The following TMCC3 variants were observed in gnomAD, a reference collection of about 807,000 sequenced individuals.
TMCC3 encodes transmembrane and coiled-coil domain family 3, also known as transmembrane and coiled-coil domain protein 3.
TMCC3 carries 28 observed loss-of-function variants against 40.2 expected under a neutral mutation model. The ratio of observed to expected loss-of-function variants is 0.70; its 90% confidence interval spans 0.52 to 0.95. TMCC3 has a LOEUF of 0.95. Among genes scored for constraint, TMCC3 ranks in the 40% least tolerant of loss-of-function variants. The pLI is 0.00. For missense variants in TMCC3, 554 were observed against 615.2 expected (o/e 0.90, Z 1.05); for synonymous variants, 255 against 248.5 (o/e 1.03, Z -0.25).
chr12:94,603,336 T>G (rs970675120), intron 1 of TMCC3, among the ~76,000 whole-genome samples: 1 of 152,168 alleles, frequency 6.6e-6, no homozygotes. Context: ...AGGGTGGTCT[T>G]GAACTCCTGG....
intron 1 of TMCC3, among the ~76,000 whole-genome samples, chr12:94,637,877 C>A (rs1206200873): frequency 6.6e-6 from 1 of 152,216 alleles, no homozygotes; most frequent in Non-Finnish European, 1.5e-5. Flanking sequence ...AACATACACA[C>A]ATTCACTCAT....
chr12:94,644,583 G>A (rs550741140), intron 1 of TMCC3, among the ~76,000 whole-genome samples: 6 of 152,244 alleles, frequency 3.9e-5, no homozygotes, highest in Admixed American at 2.0e-4. Context: ...AACACACACC[G>A]CATCACTTTG....
chr12:94,589,417 G>T (rs2068658505), intron 1 of TMCC3, among the ~76,000 whole-genome samples: 1 of 151,672 alleles, frequency 6.6e-6, no homozygotes, highest in African/African-American at 2.4e-5. Context: ...TCTACCGTCT[G>T]GACGTTCTCT....
intron 3 of TMCC3, among the ~76,000 whole-genome samples, chr12:94,572,955 C>A (rs902628147): frequency 1.1e-4 from 16 of 152,282 alleles, no homozygotes; most frequent in African/African-American, 3.6e-4. Flanking sequence ...ATTACTAAGA[C>A]ACAGATGGCT....
chr12:94,617,410 C>T (rs2068853830), intron 1 of TMCC3, among the ~76,000 whole-genome samples: 1 of 152,178 alleles, frequency 6.6e-6, no homozygotes, highest in Non-Finnish European at 1.5e-5. Context: ...ACTCTGGTCT[C>T]ACCTAAGGAA....
At chr12:94,596,481 T>C (rs1438181461) in intron 1 of TMCC3, among the ~76,000 whole-genome samples, 1 of 152,186 alleles carries the variant, frequency 6.6e-6, no homozygotes, top group South Asian at 2.1e-4. Flanking sequence ...AGTCAAACGA[T>C]GTCTCTTCCA....
chr12:94,602,412 G>A (rs1476561472), intron 1 of TMCC3, among the ~76,000 whole-genome samples: 2 of 152,182 alleles, frequency 1.3e-5, no homozygotes, highest in Non-Finnish European at 2.9e-5. Context: ...GTGCGCTAAA[G>A]CTGAAAGTAC....
At chr12:94,621,874 T>C (rs1198734629) in intron 1 of TMCC3, among the ~76,000 whole-genome samples, 2 of 152,168 alleles carry the variant, frequency 1.3e-5, no homozygotes, top group Non-Finnish European at 2.9e-5. Flanking sequence ...CCCAGGGGCA[T>C]GTCAGAACGC....
chr12:94,589,925 G>A (rs1366463732), intron 1 of TMCC3, among the ~76,000 whole-genome samples: 3 of 152,082 alleles, frequency 2.0e-5, no homozygotes, highest in Non-Finnish European at 4.4e-5. Flanking sequence ...CAGATCCCGC[G>A]AGAACCTCTG....
rs566666357 is a variant in TMCC3, at chr12:94,646,637, A to T, written c.78+3716T>A. 2.3e-3 allele frequency among the ~76,000 whole-genome samples: 348 copies of T among 151,628 alleles called. 2 individuals carry two copies. The highest frequency in any genetic ancestry group is 8.2e-3 in the African/African-American group (340 of 41,344). On this transcript the variant is annotated intron_variant, in intron 1 of 3. Transcript: ENST00000261226. ...TATTTTTAGTAGAGACAGGGTTTCAACATGTTGGCCAGGTTGGTCTTGAAC... is the reference window on the plus strand; with the variant it reads ...TATTTTTAGTAGAGACAGGGTTTCATCATGTTGGCCAGGTTGGTCTTGAAC...
intron 1 of TMCC3, among the ~76,000 whole-genome samples, chr12:94,608,730 T>C (rs1364568477): frequency 6.6e-6 from 1 of 152,144 alleles, no homozygotes; most frequent in Non-Finnish European, 1.5e-5. Flanking sequence ...GTGAACTCTG[T>C]CCAGCTCAAG....
chr12:94,641,267 A>C (rs1014556390), intron 1 of TMCC3, among the ~76,000 whole-genome samples: 1 of 152,102 alleles, frequency 6.6e-6, no homozygotes, highest in East Asian at 1.9e-4. Context: ...TTGAGGGAGC[A>C]GCTCAGGCAT....
At chr12:94,588,896 T>C (rs1332603646) in intron 1 of TMCC3, among the ~76,000 whole-genome samples, 1 of 151,284 alleles carries the variant, frequency 6.6e-6, no homozygotes, top group Non-Finnish European at 1.5e-5. Context: ...CAATCTCGGC[T>C]CACTGCAACC....
chr12:94,577,782 A>C (rs746450552), intron 3 of TMCC3, among the ~76,000 whole-genome samples: 8 of 152,062 alleles, frequency 5.3e-5, no homozygotes, highest in South Asian at 2.1e-4. Context: ...TACATTTTAC[A>C]GTTTTGGTGG....
At chr12:94,590,820 C>T (rs1219170391) in intron 1 of TMCC3, 3 of 502,276 alleles carry the variant, frequency 6.0e-6, no homozygotes, top group Non-Finnish European at 1.2e-5. Context: ...GGGTCTGAAA[C>T]ATGGGGGACG....
intron 1 of TMCC3, among the ~76,000 whole-genome samples, chr12:94,637,415 C>T (rs2068966141): frequency 6.6e-6 from 1 of 152,170 alleles, no homozygotes; most frequent in African/African-American, 2.4e-5. Flanking sequence ...GGAGTTTTCA[C>T]CTATCAGATT....
chr12:94,593,398 A>C, intron 1 of TMCC3, among the ~76,000 whole-genome samples: 1 of 48,152 alleles, frequency 2.1e-5, no homozygotes, highest in Admixed American at 2.5e-4. Context: ...AAGAAAGAAG[A>C]AAGAAGAAGA....
chr12:94,628,214 C>T (rs2068913937), intron 1 of TMCC3, among the ~76,000 whole-genome samples: 1 of 152,174 alleles, frequency 6.6e-6, no homozygotes, highest in South Asian at 2.1e-4. Context: ...CCACTAACCT[C>T]AATGCTACTC....
chr12:94,599,827 A>T (rs890685101), intron 1 of TMCC3, among the ~76,000 whole-genome samples: 4 of 152,364 alleles, frequency 2.6e-5, no homozygotes, highest in African/African-American at 9.6e-5. Context: ...AAATCGTATT[A>T]GAAAGACATA....
Sources: gnomAD v4.1 joint callset for allele counts (sites outside exome capture counted in the v4.1 genomes callset) on GRCh38, gnomAD v4.1.1 for gene constraint, MANE v1.5 for transcripts, NCBI Gene and HGNC (gene_info 2026-07-23, HGNC 2026-07-21) for gene names.